SORCS1: variants seen among roughly 807,000 people sequenced by gnomAD.
SORCS1 encodes the protein VPS10 domain-containing receptor SorCS1.
In SORCS1, 60 loss-of-function variants were observed where a neutral mutation model predicts 146.1. That is an observed-to-expected ratio of 0.41 (90% confidence interval 0.33 to 0.51). SORCS1 has a LOEUF of 0.51. Ranked by LOEUF, SORCS1 falls within the 20% of genes least tolerant of loss-of-function variation. The probability of loss-of-function intolerance (pLI) is 0.21; values close to 1 mark genes in which losing one functional copy is unlikely to be tolerated. For synonymous variants in SORCS1, 637 were observed against 584.0 expected (o/e 1.09, Z -1.31); for missense variants, 1,352 against 1,487.6 (o/e 0.91, Z 1.50).
intron 2 of SORCS1, among the ~76,000 whole-genome samples, chr10:106,881,422 A>G (rs1388089246): frequency 3.9e-5 from 6 of 152,334 alleles, no homozygotes; most frequent in African/African-American, 1.4e-4. Flanking sequence ...AAAAGCTCCA[A>G]AGGTGACAAA....
chr10:106,943,283 T>C (rs1954144943), intron 2 of SORCS1, among the ~76,000 whole-genome samples: 1 of 152,204 alleles, frequency 6.6e-6, no homozygotes, highest in African/African-American at 2.4e-5. Context: ...CAACTCCTCC[T>C]CAGACTTCTG....
intron 14 of SORCS1, among the ~76,000 whole-genome samples, chr10:106,674,328 C>CAAAAAAAAAAAAAA (rs10658432): frequency 0.024 from 667 of 27,352 alleles, 240 homozygotes; most frequent in Non-Finnish European, 0.027. Flanking sequence ...GACTCCGTCT[C>CAAAAAAAAAAAAAA]AAAAAAAAAA....
chr10:107,119,200 T>G (rs1371296003), intron 1 of SORCS1, among the ~76,000 whole-genome samples: 1 of 152,184 alleles, frequency 6.6e-6, no homozygotes, highest in African/African-American at 2.4e-5. Flanking sequence ...TGAAGTACAC[T>G]TTCAAAACTG....
At chr10:107,092,095 T>C (rs1189825583) in intron 1 of SORCS1, among the ~76,000 whole-genome samples, 2 of 152,228 alleles carry the variant, frequency 1.3e-5, no homozygotes, top group Non-Finnish European at 2.9e-5. Context: ...AAAGATCTCT[T>C]GCTTAAGCCA....
intron 6 of SORCS1, among the ~76,000 whole-genome samples, chr10:106,728,994 A>T (rs1403802212): frequency 6.7e-6 from 1 of 150,116 alleles, no homozygotes; most frequent in African/African-American, 2.5e-5. Context: ...ATTTTCTTTT[A>T]CCCCCTCACC....
intron 10 of SORCS1, among the ~76,000 whole-genome samples, chr10:106,682,446 C>T (rs991742879): frequency 1.3e-5 from 2 of 152,154 alleles, no homozygotes; most frequent in Non-Finnish European, 2.9e-5. Flanking sequence ...ATAGTCTACA[C>T]AAATATTTAA....
At chr10:106,579,239 C>T in intron 25 of SORCS1, 130 bp downstream of exon 25, 1 of 1,614,068 alleles carries the variant, frequency 6.2e-7, no homozygotes, top group Non-Finnish European at 8.5e-7. Context: ...AAACATTAAT[C>T]CCCGGGATCT....
intron 1 of SORCS1, among the ~76,000 whole-genome samples, chr10:107,013,858 G>C (rs981849484): frequency 1.6e-4 from 25 of 152,102 alleles, no homozygotes; most frequent in African/African-American, 5.8e-4. Flanking sequence ...GTAAAAATGA[G>C]TCACCCAAGT....
At chr10:106,759,743 GC>G (rs1256729065) in intron 5 of SORCS1, among the ~76,000 whole-genome samples, 1 of 152,034 alleles carries the variant, frequency 6.6e-6, no homozygotes, top group African/African-American at 2.4e-5. Flanking sequence ...TTCTCTTGCT[GC>G]CCCCTTCTCT....
At chr10:107,097,527 C>T (rs146786071) in intron 1 of SORCS1, among the ~76,000 whole-genome samples, 1 of 152,158 alleles carries the variant, frequency 6.6e-6, no homozygotes. Context: ...GGTTCCAAAG[C>T]TGGAATGAGA....
intron 1 of SORCS1, among the ~76,000 whole-genome samples, chr10:107,002,365 C>T (rs1382137776): frequency 1.3e-5 from 2 of 152,222 alleles, no homozygotes; most frequent in African/African-American, 2.4e-5. Flanking sequence ...TTCCCAGTCT[C>T]CTTTAATTAC....
At chr10:106,886,486 T>C (rs1317601404) in intron 2 of SORCS1, among the ~76,000 whole-genome samples, 1 of 152,142 alleles carries the variant, frequency 6.6e-6, no homozygotes, top group Non-Finnish European at 1.5e-5. Context: ...TTGGGTTGAG[T>C]GACAACACTA....
chr10:106,681,949 G>T (rs547488118), intron 10 of SORCS1, among the ~76,000 whole-genome samples: 1 of 152,070 alleles, frequency 6.6e-6, no homozygotes, highest in Admixed American at 6.5e-5. Context: ...CCAACATGGT[G>T]AAACCCTGTC....
intron 17 of SORCS1, among the ~76,000 whole-genome samples, chr10:106,659,137 G>T (rs2135348713): frequency 6.6e-6 from 1 of 152,326 alleles, no homozygotes; most frequent in Middle Eastern, 3.4e-3. Flanking sequence ...TTCCATGGCT[G>T]GCTAAGCAGG....
intron 5 of SORCS1, among the ~76,000 whole-genome samples, chr10:106,759,508 A>G (rs191021550): frequency 1.3e-5 from 2 of 152,298 alleles, no homozygotes; most frequent in Admixed American, 6.5e-5. Context: ...ATTCAAAGGT[A>G]TTGATAAATA....
intron 24 of SORCS1, among the ~76,000 whole-genome samples, chr10:106,580,142 G>A (rs1844815924): frequency 6.6e-6 from 1 of 152,106 alleles, no homozygotes; most frequent in South Asian, 2.1e-4. Context: ...GCAAAGTGAT[G>A]GAGCATGCTT....
chr10:106,677,541 G>A, intron 12 of SORCS1, 137 bp from the exon 13 acceptor site: 1 of 700,106 alleles, frequency 1.4e-6, no homozygotes, highest in Non-Finnish European at 2.4e-6. Flanking sequence ...CGAAAATAAA[G>A]CTATAGAACA....
At chr10:106,647,778 A>G (rs1849556919) in intron 18 of SORCS1, among the ~76,000 whole-genome samples, 1 of 152,260 alleles carries the variant, frequency 6.6e-6, no homozygotes, top group African/African-American at 2.4e-5. Context: ...AAGACTTCTT[A>G]AGCCTGACAA....
intron 1 of SORCS1, among the ~76,000 whole-genome samples, chr10:107,108,967 A>G (rs1406522810): frequency 6.6e-6 from 1 of 152,200 alleles, no homozygotes; most frequent in Non-Finnish European, 1.5e-5. Context: ...TAAAGCTCCA[A>G]AATAATCTTC....
Sources: allele counts gnomAD v4.1 joint callset (sites outside exome capture counted in the v4.1 genomes callset), GRCh38; gene constraint gnomAD v4.1.1; transcripts MANE v1.5; gene names NCBI Gene and HGNC (gene_info 2026-07-23, HGNC 2026-07-21).